The following HSD17B6 variants were observed in gnomAD, a reference collection of about 807,000 sequenced individuals.
The protein encoded by HSD17B6 is 17-beta-hydroxysteroid dehydrogenase type 6.
Under a neutral mutation model 26.4 loss-of-function variants are expected in HSD17B6, and 16 were observed. The observed-to-expected ratio is 0.61, with a 90% CI of 0.41 to 0.92. The LOEUF (loss-of-function observed/expected upper bound fraction) is 0.92, where lower values mean the gene tolerates loss of function less well. Ranked by LOEUF, HSD17B6 falls within the 40% of genes least tolerant of loss-of-function variation. HSD17B6 has a pLI of 0.00. For synonymous variants in HSD17B6, 139 were observed against 153.0 expected (o/e 0.91, Z 0.68); for missense variants, 357 against 386.1 (o/e 0.92, Z 0.63).
intron 2 of HSD17B6, among the ~76,000 whole-genome samples, chr12:56,775,436 G>A (rs566928833): frequency 6.6e-6 from 1 of 152,072 alleles, no homozygotes; most frequent in East Asian, 1.9e-4. Context: ...ATATTGCCCA[G>A]GCTAAGATGT....
chr12:56,775,327 C>A (rs2137911419), intron 2 of HSD17B6, among the ~76,000 whole-genome samples: 2 of 152,314 alleles, frequency 1.3e-5, no homozygotes, highest in South Asian at 2.1e-4. Flanking sequence ...AAGCAATCTT[C>A]CTGCCTCACC....
Position 56,773,847 on chromosome 12 carries a change from C to T in HSD17B6, c.-6C>T, listed in dbSNP as rs200606325. On this transcript the variant is annotated 5_prime_UTR_variant, in exon 2 of 5. Coordinates refer to ENST00000322165, the MANE Select transcript of HSD17B6 (RefSeq NM_003725.4). Reference sequence around the variant, plus strand: ...TTCTATTGAAAGAGAAGGAAGCACCCTCACTATGTGGCTCTACCTGGCGGC... The same window carrying T: ...TTCTATTGAAAGAGAAGGAAGCACCTTCACTATGTGGCTCTACCTGGCGGC... The T allele has an allele frequency of 9.1e-4, 1,384 of 1,528,390 alleles. 3 individuals carry two copies. The highest frequency in any genetic ancestry group is 1.2e-3 in the Non-Finnish European group (1,316 of 1,137,468). The allele number at this position is 1,528,390 out of a possible 1,614,324, so 94.7% of individuals were successfully genotyped here.
intron 2 of HSD17B6, 67 bp downstream of exon 2, chr12:56,774,232 C>T: frequency 1.4e-6 from 2 of 1,407,858 alleles, no homozygotes. Flanking sequence ...ACAGTTGTTC[C>T]TTGGTGTCTC....
At chr12:56,766,585 T>C (rs1300294458) in intron 1 of HSD17B6, among the ~76,000 whole-genome samples, 1 of 152,236 alleles carries the variant, frequency 6.6e-6, no homozygotes, top group Non-Finnish European at 1.5e-5. Flanking sequence ...GAGGGCCTTG[T>C]ACAACTAAGG....
rs181961973 is a variant in HSD17B6 at position 56,777,199 on chromosome 12, T to C, written c.313+3034T>C. Among the ~76,000 whole-genome samples the C allele has an allele frequency of 1.6e-3, 237 of 152,218 alleles. 1 individual carries two copies. The highest frequency in any genetic ancestry group is 5.3e-3 in the African/African-American group (221 of 41,530). On this transcript the variant is annotated intron_variant, in intron 2 of 4. Coordinates refer to ENST00000322165, the MANE Select transcript of HSD17B6 (RefSeq NM_003725.4). ...AGTTTGAGGCTACAGTGGGCTACGATAGCACTTGTGAATAGCCACTAGAGT... is the reference window on the plus strand; with the variant it reads ...AGTTTGAGGCTACAGTGGGCTACGACAGCACTTGTGAATAGCCACTAGAGT...
chr12:56,769,152 G>A (rs1349221502), intron 1 of HSD17B6, among the ~76,000 whole-genome samples: 1 of 150,274 alleles, frequency 6.7e-6, no homozygotes, highest in Non-Finnish European at 1.5e-5. Flanking sequence ...ACTTAAGCTG[G>A]AGTGCAGTGG....
rs750123449 is a variant in HSD17B6 at position 56,773,829 on chromosome 12, G to T, written c.-19-5G>T. 1 of 1,516,946 alleles carries T rather than the reference G, an allele frequency of 6.6e-7. No individual in the cohort carries two copies. Among genetic ancestry groups the T allele is most frequent in the Non-Finnish European group, 8.8e-7 (1 of 1,132,744 alleles). 94.0% of individuals were successfully genotyped at this position (1,516,946 alleles called of 1,614,324 possible). On this transcript the variant is annotated splice_region_variant and splice_polypyrimidine_tract_variant and intron_variant, in intron 1 of 4. Coordinates refer to ENST00000322165, the MANE Select transcript of HSD17B6 (RefSeq NM_003725.4). ...AGGAATAAAATGTTTTCTTTCTATTGAAAGAGAAGGAAGCACCCTCACTAT... is the reference window on the plus strand; with the variant it reads ...AGGAATAAAATGTTTTCTTTCTATTTAAAGAGAAGGAAGCACCCTCACTAT...
intron 1 of HSD17B6, among the ~76,000 whole-genome samples, chr12:56,771,760 G>C (rs1448102068): frequency 6.6e-6 from 1 of 152,000 alleles, no homozygotes; most frequent in Non-Finnish European, 1.5e-5. Flanking sequence ...GCCTGGCCTA[G>C]CTATTATTTT....
At chr12:56,763,935 G>C (rs539388875) in intron 1 of HSD17B6, among the ~76,000 whole-genome samples, 1 of 151,684 alleles carries the variant, frequency 6.6e-6, no homozygotes, top group East Asian at 1.9e-4. Context: ...TAGGTGTGGT[G>C]GTGCACACCT....
At chr12:56,763,437 TTGTG>T (rs35753038) in intron 1 of HSD17B6, 23 bp downstream of exon 1, 18,384 of 136,080 alleles carry the variant, frequency 0.14, 1,200 homozygotes, top group African/African-American at 0.21. Context: ...GTAAGGGTGG[TTGTG>T]TGTGTGTGTG....
At chr12:56,767,470 T>C (rs1466701860) in intron 1 of HSD17B6, among the ~76,000 whole-genome samples, 1 of 150,378 alleles carries the variant, frequency 6.6e-6, no homozygotes, top group Non-Finnish European at 1.5e-5. Flanking sequence ...TGAGCCGAGA[T>C]CGCGCTACTG....
intron 1 of HSD17B6, among the ~76,000 whole-genome samples, chr12:56,765,072 G>A (rs1954292465): frequency 6.6e-6 from 1 of 152,056 alleles, no homozygotes; most frequent in South Asian, 2.1e-4. Context: ...TGATCTGCCT[G>A]CCTCGCATCC....
At chr12:56,779,924 A>C (rs1954676942) in intron 2 of HSD17B6, among the ~76,000 whole-genome samples, 1 of 152,110 alleles carries the variant, frequency 6.6e-6, no homozygotes, top group African/African-American at 2.4e-5. Flanking sequence ...TTTTAAAAAA[A>C]AATTTATTAA....
At chr12:56,773,343 G>A (rs1045452422) in intron 1 of HSD17B6, among the ~76,000 whole-genome samples, 1 of 152,196 alleles carries the variant, frequency 6.6e-6, no homozygotes, top group African/African-American at 2.4e-5. Context: ...AGATTCCGTA[G>A]TGTGGCTTAC....
rs183363173 is a variant in HSD17B6, at chr12:56,763,640, G to A, written c.-20+226G>A. Among the ~76,000 whole-genome samples, 246 of 152,084 alleles carry A rather than the reference G, an allele frequency of 1.6e-3. 3 individuals carry two copies. The highest frequency in any genetic ancestry group is 4.1e-4 in the Non-Finnish European group (28 of 68,002). ...TCCCATGAAGTTTGGGAGAGTACTG[G>A]TTACAAGTTGGGAGTGATTTCATAC... On this transcript the variant is annotated intron_variant, in intron 1 of 4. Transcript: ENST00000322165.
rs943279610 is a variant in HSD17B6, at chr12:56,787,529, A to G, written c.*187A>G. On this transcript the variant is annotated 3_prime_UTR_variant, in exon 5 of 5. Transcript: ENST00000322165. ...TATCCAAAGCTTACCACTTTAGGTG[A>G]TGAATCTTTACTATTTTAGCCCTTT... The G allele has an allele frequency of 2.8e-4, 161 of 580,024 alleles. No homozygotes were observed. Among genetic ancestry groups the G allele is most frequent in the Middle Eastern group, 1.4e-3 (3 of 2,196 alleles). 35.9% of individuals were successfully genotyped at this position (580,024 alleles called of 1,614,324 possible). A position where few individuals can be genotyped will look rare whatever the true frequency, so the allele number is the denominator to read the frequency against.
intron 1 of HSD17B6, among the ~76,000 whole-genome samples, chr12:56,767,791 A>T (rs538641326): frequency 6.9e-6 from 1 of 145,974 alleles, no homozygotes; most frequent in Admixed American, 7.0e-5. Flanking sequence ...ATGTATATAT[A>T]ATATATATGT....
intron 4 of HSD17B6, 79 bp from the exon 5 acceptor site, chr12:56,787,046 G>A: frequency 9.4e-7 from 1 of 1,062,936 alleles, no homozygotes; most frequent in South Asian, 1.4e-5. Context: ...AATTAGATGT[G>A]GTGAGACTTC....
chr12:56,776,675 G>T (rs1954602090), intron 2 of HSD17B6, among the ~76,000 whole-genome samples: 1 of 151,494 alleles, frequency 6.6e-6, no homozygotes, highest in Admixed American at 6.6e-5. Flanking sequence ...TGTTGAGATG[G>T]AGGTCTTACT....
Sources: gnomAD v4.1 joint callset for allele counts (sites outside exome capture counted in the v4.1 genomes callset) on GRCh38, gnomAD v4.1.1 for gene constraint, MANE v1.5 for transcripts, NCBI Gene and HGNC (gene_info 2026-07-23, HGNC 2026-07-21) for gene names.